Variants in CDYL observed in about 807,000 individuals in gnomAD.
CDYL encodes chromodomain Y-like protein.
Under a neutral mutation model 47.3 loss-of-function variants are expected in CDYL, and 8 were observed. The ratio of observed to expected loss-of-function variants is 0.17; its 90% CI spans 0.10 to 0.31. CDYL has a LOEUF of 0.31. Among genes scored for constraint, CDYL ranks in the 10% least tolerant of loss-of-function variants. The pLI is 1.00. For missense variants in CDYL, 471 were observed against 701.4 expected, an observed-to-expected ratio of 0.67 and a Z score of 3.71; for synonymous variants, 266 against 265.0, an observed-to-expected ratio of 1.00 and a Z score of -0.04.
intron 2 of CDYL, among the ~76,000 whole-genome samples, chr6:4,913,806 A>G (rs1187768089): frequency 1.3e-5 from 2 of 152,258 alleles, no homozygotes; most frequent in African/African-American, 2.4e-5. Context: ...GCCAAAGACA[A>G]CAGGTAAACA....
intron 5 of CDYL, among the ~76,000 whole-genome samples, chr6:4,951,738 C>G (rs1343913739): frequency 3.3e-5 from 5 of 152,024 alleles, no homozygotes; most frequent in Admixed American, 3.3e-4. Context: ...ATATTAAAAA[C>G]AAGTCACCAT....
intron 1 of CDYL, among the ~76,000 whole-genome samples, chr6:4,879,428 T>C (rs972259359): frequency 2.6e-5 from 4 of 152,222 alleles, no homozygotes; most frequent in African/African-American, 9.6e-5. Context: ...CCTATTTATG[T>C]CTTGTAATGC....
At chr6:4,778,616 A>G (rs1263341422) in intron 1 of CDYL, among the ~76,000 whole-genome samples, 1 of 152,184 alleles carries the variant, frequency 6.6e-6, no homozygotes, top group Non-Finnish European at 1.5e-5. Context: ...AAGTAAGTAT[A>G]TTGCAAATAA....
At chr6:4,766,492 T>G (rs1758253887) in intron 3 of CDYL, among the ~76,000 whole-genome samples, 1 of 152,122 alleles carries the variant, frequency 6.6e-6, no homozygotes, top group Non-Finnish European at 1.5e-5. Context: ...ATTACAGGTG[T>G]GAGCCATGGC....
chr6:4,950,884 A>G (rs1187974165), intron 5 of CDYL, among the ~76,000 whole-genome samples: 2 of 146,898 alleles, frequency 1.4e-5, no homozygotes, highest in Non-Finnish European at 3.0e-5. Flanking sequence ...GTGAGCCGAT[A>G]TTGCACCACT....
chr6:4,837,833 G>C (rs1760368542), intron 1 of CDYL, among the ~76,000 whole-genome samples: 1 of 152,114 alleles, frequency 6.6e-6, no homozygotes, highest in Non-Finnish European at 1.5e-5. Context: ...GAGTGCAGTG[G>C]CATGCACATG....
chr6:4,824,204 A>G (rs1325135748), intron 1 of CDYL, among the ~76,000 whole-genome samples: 2 of 152,160 alleles, frequency 1.3e-5, no homozygotes, highest in African/African-American at 4.8e-5. Context: ...ATTCCAGTAT[A>G]TAATTGAGTC....
rs1470440268 is a variant in CDYL, at chr6:4,733,665, G to GCCCCT, written c.104-1097_104-1096insCCCCT. Among the ~76,000 whole-genome samples, 10 of 152,138 alleles carry GCCCCT rather than the reference G, an allele frequency of 6.6e-5. No individual in the cohort carries two copies. In the East Asian group the frequency reaches 1.6e-3, roughly 24 times the overall value. ...TTCTGGTCATTAAGACTCCATCTCA[G>GCCCCT]GTATGAAAATTTCAGTAAGTGAAGG... On this transcript the variant is annotated intron_variant, in intron 2 of 8. Coordinates refer to the CDYL transcript ENST00000328908.
intron 2 of CDYL, among the ~76,000 whole-genome samples, chr6:4,931,224 C>T (rs990653048): frequency 2.6e-5 from 4 of 152,084 alleles, no homozygotes; most frequent in Admixed American, 1.3e-4. Flanking sequence ...AGGCGAGGAC[C>T]CTGCTCTTAC....
chr6:4,921,886 A>G (rs528589609), intron 2 of CDYL, among the ~76,000 whole-genome samples: 6 of 152,296 alleles, frequency 3.9e-5, no homozygotes, highest in East Asian at 1.9e-4. Flanking sequence ...TCCCAACTCC[A>G]TAAAGTCTTC....
intron 2 of CDYL, among the ~76,000 whole-genome samples, chr6:4,893,779 T>A (rs1581241920): frequency 6.6e-6 from 1 of 151,760 alleles, no homozygotes; most frequent in Non-Finnish European, 1.5e-5. Context: ...GCAAACAAAA[T>A]ACAATGGTGT....
Position 4,937,726 on chromosome 6 carries a change from A to G in CDYL, c.1110A>G (p.Ala370=), listed in dbSNP as rs754478809. 1 of 1,606,266 alleles carries G rather than the reference A, an allele frequency of 6.2e-7. No homozygotes were observed. The highest frequency in any genetic ancestry group is 8.5e-7 in the Non-Finnish European group (1 of 1,177,952). The change falls in exon 4 of 7, where the codon GCA becomes GCG. Residue 370 remains alanine, a synonymous_variant. Coordinates refer to ENST00000397588, the MANE Select transcript of CDYL (RefSeq NM_004824.4). ...DDRKRESTKM[A]EAIRNFVNTF... is the part of the protein sequence containing the mutation. ...GGAAAAGAGAAAGCACTAAAATGGC[A>G]GAAGCTATCAGGTATGTAAAAATGA... is the stretch of plus-strand genomic sequence containing the variant.
At chr6:4,944,953 A>G (rs1758467229) in intron 5 of CDYL, among the ~76,000 whole-genome samples, 1 of 152,168 alleles carries the variant, frequency 6.6e-6, no homozygotes, top group Non-Finnish European at 1.5e-5. Context: ...GCAGCAGCTC[A>G]GTCTCATCAT....
chr6:4,746,880 C>G (rs755437164), intron 3 of CDYL, among the ~76,000 whole-genome samples: 2 of 152,040 alleles, frequency 1.3e-5, no homozygotes, highest in African/African-American at 4.8e-5. Flanking sequence ...CTCGCTGTGC[C>G]GGCCCCTCAC....
intron 1 of CDYL, among the ~76,000 whole-genome samples, chr6:4,851,386 G>C (rs1461654235): frequency 6.6e-6 from 1 of 152,188 alleles, no homozygotes; most frequent in African/African-American, 2.4e-5. Flanking sequence ...AATCATGAGT[G>C]CTTCACCATG....
At position 4,776,743 on chromosome 6, in the gene CDYL, C is replaced by CCCCGA; in HGVS notation, c.-37_-33dup. 1 of 1,256,190 alleles carries CCCCGA rather than the reference C, an allele frequency of 8.0e-7. No homozygotes were observed. The highest frequency in any genetic ancestry group is 1.0e-6 in the Non-Finnish European group (1 of 970,906). The allele number at this position is 1,256,190 out of a possible 1,614,324, so 77.8% of individuals were successfully genotyped here. A position where few individuals can be genotyped will look rare whatever the true frequency, so the allele number is the denominator to read the frequency against. On this transcript the variant is annotated 5_prime_UTR_variant, in exon 1 of 7. Coordinates refer to ENST00000397588, the MANE Select transcript of CDYL (RefSeq NM_004824.4). ...GTCGGCCGCCCGGCGCCGGCGCCCG[C>CCCCGA]CCCGACCCTGCCCCTCCCGCCCGCA...
chr6:4,868,246 C>T (rs1265096066), intron 1 of CDYL, among the ~76,000 whole-genome samples: 2 of 151,880 alleles, frequency 1.3e-5, no homozygotes, highest in African/African-American at 2.4e-5. Context: ...TTTAAAACTA[C>T]AATTTTCTCT....
intron 2 of CDYL, among the ~76,000 whole-genome samples, chr6:4,893,488 T>C (rs1762109136): frequency 6.6e-6 from 1 of 152,080 alleles, no homozygotes; most frequent in African/African-American, 2.4e-5. Context: ...AGGTCAGGAG[T>C]TCGAGACCAG....
At chr6:4,880,411 A>G (rs1374262377) in intron 1 of CDYL, among the ~76,000 whole-genome samples, 4 of 152,190 alleles carry the variant, frequency 2.6e-5, no homozygotes, top group East Asian at 3.8e-4. Context: ...GTGTACCACA[A>G]TATACTTACC....
Sources: gnomAD v4.1 joint callset for allele counts (sites outside exome capture counted in the v4.1 genomes callset) on GRCh38, gnomAD v4.1.1 for gene constraint, MANE v1.5 for transcripts, NCBI Gene and HGNC (gene_info 2026-07-23, HGNC 2026-07-21) for gene names.